The following PPP2R2B variants were observed in gnomAD, a reference collection of about 807,000 sequenced individuals.
The protein encoded by PPP2R2B is protein phosphatase 2 regulatory subunit Bbeta.
In PPP2R2B, 5 loss-of-function variants were observed where a neutral mutation model predicts 46.0. The observed-to-expected ratio is 0.11, with a 90% confidence interval of 0.06 to 0.23. The LOEUF is 0.23. Among genes scored for constraint, PPP2R2B ranks in the 10% least tolerant of loss-of-function variants. The pLI, the probability that PPP2R2B is intolerant of heterozygous loss-of-function variation, is 1.00. For missense variants in PPP2R2B, 367 were observed against 575.0 expected (o/e 0.64, Z 3.70); for synonymous variants, 215 against 206.7 (o/e 1.04, Z -0.34).
chr5:146,701,664 G>A (rs1779546981), intron 2 of PPP2R2B, among the ~76,000 whole-genome samples: 1 of 152,202 alleles, frequency 6.6e-6, no homozygotes, highest in African/African-American at 2.4e-5. Flanking sequence ...TTCAAGGAAG[G>A]AACTGACGAA....
intron 5 of PPP2R2B, among the ~76,000 whole-genome samples, chr5:146,663,833 ATTAT>A (rs552622400): frequency 6.6e-6 from 1 of 151,668 alleles, no homozygotes; most frequent in Non-Finnish European, 1.5e-5. Context: ...ATTTTATTTT[ATTAT>A]TTATTTATTT....
intron 1 of PPP2R2B, among the ~76,000 whole-genome samples, chr5:146,916,968 CA>C (rs1763410819): frequency 6.6e-6 from 1 of 151,756 alleles, no homozygotes; most frequent in South Asian, 2.1e-4. Flanking sequence ...AAGTAATTAC[CA>C]AAGGTATTTT....
At chr5:146,691,017 C>T (rs999680204) in intron 5 of PPP2R2B, 111 bp downstream of exon 5, 19 of 845,016 alleles carry the variant, frequency 2.2e-5, no homozygotes, top group South Asian at 1.0e-4. Context: ...TCTCTGCCTA[C>T]GTTCCCTCAC....
intron 7 of PPP2R2B, among the ~76,000 whole-genome samples, chr5:146,600,662 T>A (rs1771695102): frequency 6.6e-6 from 1 of 152,158 alleles, no homozygotes; most frequent in African/African-American, 2.4e-5. Flanking sequence ...TTAATTCTCA[T>A]GGAAGGACTG....
chr5:146,774,544 T>C (rs161028), intron 2 of PPP2R2B, among the ~76,000 whole-genome samples: 130,789 of 151,970 alleles, frequency 0.86, 56,337 homozygotes, highest in Non-Finnish European at 0.87. Flanking sequence ...AGGCTGGGTG[T>C]GGTGACTCAT....
At chr5:146,602,600 G>A (rs1426244741) in intron 7 of PPP2R2B, among the ~76,000 whole-genome samples, 5 of 152,090 alleles carry the variant, frequency 3.3e-5, no homozygotes, top group East Asian at 3.9e-4. Flanking sequence ...CAATGCACTC[G>A]CATAGTCAGT....
rs1362523331 is a variant in PPP2R2B at position 146,828,263 on chromosome 5, A to ATTTT, written c.70+49738_70+49739insAAAA. On this transcript the variant is annotated intron_variant, in intron 2 of 9. Coordinates refer to ENST00000394411, the MANE Select transcript of PPP2R2B (RefSeq NM_181675.4). ...TAAAATATTACTTTTACTTTTTTTA[A>ATTTT]AAAAAAAAAAGACATTCTCTTGCTG... Among the ~76,000 whole-genome samples the ATTTT allele has an allele frequency of 3.1e-3, 435 of 141,480 alleles. 1 individual carries two copies. Among genetic ancestry groups the ATTTT allele is most frequent in the East Asian group, 9.3e-3 (45 of 4,824 alleles). 92.8% of individuals were successfully genotyped at this position (141,480 alleles called of 152,430 possible).
chr5:146,723,387 C>T (rs1189013773), intron 2 of PPP2R2B, among the ~76,000 whole-genome samples: 1 of 152,124 alleles, frequency 6.6e-6, no homozygotes, highest in African/African-American at 2.4e-5. Flanking sequence ...TGAACACTCA[C>T]ATAAAAGTCG....
intron 7 of PPP2R2B, among the ~76,000 whole-genome samples, chr5:146,615,695 A>G (rs947713788): frequency 1.1e-4 from 16 of 152,034 alleles, no homozygotes; most frequent in Non-Finnish European, 1.2e-4. Context: ...CAGAGAAGTA[A>G]AAGGTCTCTA....
intron 2 of PPP2R2B, among the ~76,000 whole-genome samples, chr5:146,832,377 A>ATT (rs1443028400): frequency 4.7e-4 from 49 of 104,312 alleles, no homozygotes; most frequent in African/African-American, 1.6e-3. Flanking sequence ...GCCATTTTTA[A>ATT]TCTTTTTTTT....
chr5:146,776,909 T>C (rs908031552), intron 2 of PPP2R2B, among the ~76,000 whole-genome samples: 4 of 152,084 alleles, frequency 2.6e-5, no homozygotes, highest in Admixed American at 2.0e-4. Context: ...CTCAACATTA[T>C]TAATTATTAG....
At chr5:146,870,755 T>C (rs1761569924) in intron 2 of PPP2R2B, among the ~76,000 whole-genome samples, 1 of 152,122 alleles carries the variant, frequency 6.6e-6, no homozygotes, top group African/African-American at 2.4e-5. Flanking sequence ...CTAAACTCCA[T>C]ACATCTTTTT....
chr5:147,022,778 G>A (rs1755342822), intron 1 of PPP2R2B, among the ~76,000 whole-genome samples: 2 of 151,942 alleles, frequency 1.3e-5, no homozygotes, highest in South Asian at 2.1e-4. Context: ...ATCATAAACA[G>A]AGCAAACCAT....
chr5:146,632,254 C>T (rs145818778), intron 7 of PPP2R2B, among the ~76,000 whole-genome samples: 1 of 152,224 alleles, frequency 6.6e-6, no homozygotes, highest in Non-Finnish European at 1.5e-5. Flanking sequence ...AGTGTAAAGA[C>T]ACAGGGAGAA....
At chr5:146,918,969 T>A (rs879288957) in intron 1 of PPP2R2B, among the ~76,000 whole-genome samples, 3 of 152,226 alleles carry the variant, frequency 2.0e-5, no homozygotes, top group African/African-American at 4.8e-5. Context: ...AATTCACAGT[T>A]GTTTCACTAG....
At chr5:146,989,188 T>C (rs928895826) in intron 1 of PPP2R2B, among the ~76,000 whole-genome samples, 2 of 152,004 alleles carry the variant, frequency 1.3e-5, no homozygotes, top group African/African-American at 4.8e-5. Context: ...GAAGAACAAA[T>C]ATCAATTCTA....
chr5:146,595,624 T>A (rs1392839976), intron 8 of PPP2R2B, among the ~76,000 whole-genome samples: 1 of 152,200 alleles, frequency 6.6e-6, no homozygotes, highest in Non-Finnish European at 1.5e-5. Flanking sequence ...ATTGACAGCA[T>A]TTAAAGAAAA....
chr5:147,074,365 C>T (rs889397273), intron 2 of PPP2R2B, among the ~76,000 whole-genome samples: 10 of 152,182 alleles, frequency 6.6e-5, no homozygotes, highest in African/African-American at 2.4e-4. Flanking sequence ...GAATTCTTTT[C>T]ATTGCCAGCC....
At chr5:146,653,688 A>G (rs1206614514) in intron 5 of PPP2R2B, among the ~76,000 whole-genome samples, 2 of 152,176 alleles carry the variant, frequency 1.3e-5, no homozygotes, top group Non-Finnish European at 2.9e-5. Context: ...AACAAGAGGC[A>G]TTACAGAGTG....
Sources: gnomAD v4.1 joint callset for allele counts (sites outside exome capture counted in the v4.1 genomes callset) on GRCh38, gnomAD v4.1.1 for gene constraint, MANE v1.5 for transcripts, NCBI Gene and HGNC (gene_info 2026-07-23, HGNC 2026-07-21) for gene names.